The following ARHGAP6 variants were observed in gnomAD, a reference collection of about 807,000 sequenced individuals.
ARHGAP6 encodes the protein rho GTPase-activating protein 6.
In ARHGAP6, 16 loss-of-function variants were observed where a neutral mutation model predicts 55.7. That is an observed-to-expected ratio of 0.29 (90% CI 0.19 to 0.44). The LOEUF is 0.44. ARHGAP6 is among the 20% of genes least tolerant of loss of function. The pLI, the probability that ARHGAP6 is intolerant of heterozygous loss-of-function variation, is 1.00. For missense variants in ARHGAP6, 698 were observed against 808.9 expected (o/e 0.86, Z 1.66); for synonymous variants, 382 against 360.9 (o/e 1.06, Z -0.66).
At chrX:11,152,642 C>T (rs2045799554) in intron 10 of ARHGAP6, among the ~76,000 whole-genome samples, 1 of 111,928 alleles carries the variant, frequency 8.9e-6, no homozygotes, top group Non-Finnish European at 1.9e-5. Context: ...ATCTCTGAGA[C>T]TTCAAATCAC....
intron 1 of ARHGAP6, among the ~76,000 whole-genome samples, chrX:11,402,657 C>G (rs12840195): frequency 8.9e-6 from 1 of 111,863 alleles, no homozygotes; most frequent in Non-Finnish European, 1.9e-5. Context: ...AGCCTTCCAC[C>G]TAAATGCCAA....
chrX:11,226,107 G>A (rs2047043829), intron 2 of ARHGAP6, among the ~76,000 whole-genome samples: 2 of 108,615 alleles, frequency 1.8e-5, no homozygotes, highest in Non-Finnish European at 1.9e-5. Flanking sequence ...CCGTTAACTC[G>A]TCATTTACAT....
chrX:11,224,445 G>A, intron 2 of ARHGAP6: 2 of 466,272 alleles, frequency 4.3e-6, no homozygotes, highest in Non-Finnish European at 5.5e-6. Flanking sequence ...TGAACCCAGA[G>A]AGCGGGGCCC....
chrX:11,241,531 CGTGTGTGTGTGTGTGTGTGT>C (rs55815640), intron 2 of ARHGAP6, among the ~76,000 whole-genome samples: 2 of 91,711 alleles, frequency 2.2e-5, no homozygotes, highest in Admixed American at 2.5e-4. Flanking sequence ...ATGCTGGATA[CGTGTGTGTGTGTGTGTGTGT>C]GTGTGTGTGT....
chrX:11,654,659 G>T (rs2052618937), intron 1 of ARHGAP6, among the ~76,000 whole-genome samples: 1 of 111,613 alleles, frequency 9.0e-6, no homozygotes, highest in Non-Finnish European at 1.9e-5. Context: ...TGCTTTCAAA[G>T]TGCAATAATC....
At chrX:11,571,668 T>C (rs1158236393) in intron 1 of ARHGAP6, among the ~76,000 whole-genome samples, 2 of 105,804 alleles carry the variant, frequency 1.9e-5, no homozygotes, top group East Asian at 5.8e-4. Context: ...GACCCCAGAG[T>C]TCAAGATCAG....
chrX:11,374,966 C>T (rs181376789), intron 1 of ARHGAP6, among the ~76,000 whole-genome samples: 148 of 112,138 alleles, frequency 1.3e-3, no homozygotes, highest in African/African-American at 4.7e-3. Flanking sequence ...ATTGGCTTGT[C>T]AGTCTCCCTA....
At chrX:11,569,222 G>A (rs2051483426) in intron 1 of ARHGAP6, among the ~76,000 whole-genome samples, 1 of 111,297 alleles carries the variant, frequency 9.0e-6, no homozygotes, top group Non-Finnish European at 1.9e-5. Flanking sequence ...AGCATCTAGT[G>A]GGTAGAAGTC....
At chrX:11,496,558 A>G (rs147853791) in intron 1 of ARHGAP6, among the ~76,000 whole-genome samples, 9,966 of 110,914 alleles carry the variant, frequency 0.09, 515 homozygotes, top group East Asian at 0.18. Context: ...AAATGTATTC[A>G]GATTATTTTG....
intron 1 of ARHGAP6, among the ~76,000 whole-genome samples, chrX:11,311,230 A>G (rs1204617291): frequency 3.6e-5 from 4 of 112,075 alleles, no homozygotes; most frequent in Admixed American, 2.8e-4. Flanking sequence ...GTTAAAGAAA[A>G]GGTCGACATT....
chrX:11,325,557 T>C (rs1056937986), intron 1 of ARHGAP6, among the ~76,000 whole-genome samples: 6 of 112,316 alleles, frequency 5.3e-5, no homozygotes, highest in African/African-American at 1.9e-4. Context: ...AGTCTCTACA[T>C]ACAAATTTTT....
intron 2 of ARHGAP6, among the ~76,000 whole-genome samples, chrX:11,218,131 G>A (rs1602890573): frequency 8.9e-6 from 1 of 111,894 alleles, no homozygotes; most frequent in East Asian, 2.8e-4. Context: ...AATATAGTTT[G>A]AAGTCAGGTA....
At chrX:11,446,482 C>A (rs1159066539) in intron 1 of ARHGAP6, among the ~76,000 whole-genome samples, 2 of 111,499 alleles carry the variant, frequency 1.8e-5, no homozygotes, top group Non-Finnish European at 3.8e-5. Flanking sequence ...TCTTTTGATG[C>A]CCTCCTCAGA....
At chrX:11,465,558 C>A (rs1197576694) in intron 1 of ARHGAP6, among the ~76,000 whole-genome samples, 2 of 112,024 alleles carry the variant, frequency 1.8e-5, no homozygotes, top group African/African-American at 6.5e-5. Flanking sequence ...AGATATTTTA[C>A]ATTGTTACAG....
chrX:11,337,175 G>C (rs939697001), intron 1 of ARHGAP6, among the ~76,000 whole-genome samples: 6 of 110,325 alleles, frequency 5.4e-5, no homozygotes, highest in African/African-American at 2.0e-4. Context: ...CACAAGGGTA[G>C]ATATCTATAG....
At chrX:11,261,816 T>A (rs1417692524) in intron 1 of ARHGAP6, among the ~76,000 whole-genome samples, 2 of 111,537 alleles carry the variant, frequency 1.8e-5, no homozygotes, top group African/African-American at 3.3e-5. Flanking sequence ...TTGTTATAAC[T>A]GGGGCAGCGT....
chrX:11,182,909 CCTAG>C (rs2046337584), intron 5 of ARHGAP6, among the ~76,000 whole-genome samples: 1 of 110,893 alleles, frequency 9.0e-6, no homozygotes, highest in Non-Finnish European at 1.9e-5. Flanking sequence ...AGCCACTGTG[CCTAG>C]CTAATCTTTC....
Position 11,594,685 on chromosome X carries a change from G to A in ARHGAP6, c.588+69556C>T, listed in dbSNP as rs764136721. Among the ~76,000 whole-genome samples the A allele has an allele frequency of 6.3e-5, 7 of 111,451 alleles. 1 individual carries two copies. In the East Asian group the frequency reaches 2.0e-3, roughly 32 times the overall value. On this transcript the variant is annotated intron_variant, in intron 1 of 12. Transcript: ENST00000337414. ...AATCTAATGCCTGATGATTTGAGGT[G>A]GAACAGTTTCATCCTGAAACCACCC...
At chrX:11,355,183 T>C (rs900079522) in intron 1 of ARHGAP6, among the ~76,000 whole-genome samples, 1 of 111,283 alleles carries the variant, frequency 9.0e-6, no homozygotes, top group South Asian at 3.8e-4. Flanking sequence ...TTGAGCTGCA[T>C]GAAAAAAACT....
Sources: gnomAD v4.1 joint callset for allele counts (sites outside exome capture counted in the v4.1 genomes callset) on GRCh38, gnomAD v4.1.1 for gene constraint, MANE v1.5 for transcripts, NCBI Gene and HGNC (gene_info 2026-07-23, HGNC 2026-07-21) for gene names.